CDK15: variants seen among roughly 807,000 people sequenced by gnomAD.
CDK15 encodes cyclin dependent kinase 15.
A neutral mutation model predicts 60.3 loss-of-function variants in CDK15; 62 were observed. The observed-to-expected ratio is 1.03, with a 90% CI of 0.84 to 1.27. The LOEUF (loss-of-function observed/expected upper bound fraction) is 1.27. Ranked by LOEUF, CDK15 falls within the 50% of genes most tolerant of loss-of-function variation. CDK15 has a pLI of 0.00. For synonymous variants in CDK15, 194 were observed against 195.7 expected (o/e 0.99, Z 0.07); for missense variants, 541 against 527.8 (o/e 1.03, Z -0.25).
chr2:201,833,286 G>C (rs1172074553), intron 6 of CDK15, among the ~76,000 whole-genome samples: 1 of 150,642 alleles, frequency 6.6e-6, no homozygotes, highest in African/African-American at 2.4e-5. Context: ...TTTCAACTTT[G>C]AATTTAAGAC....
chr2:201,880,004 T>C (rs1443234223), intron 11 of CDK15, 24 bp from the exon 12 acceptor site: 2 of 1,612,460 alleles, frequency 1.2e-6, no homozygotes, highest in African/African-American at 1.3e-5. Flanking sequence ...GGAGAAACTC[T>C]ATTTTTCTCT....
chr2:201,862,560 T>G (rs1345314147), intron 10 of CDK15, among the ~76,000 whole-genome samples: 1 of 152,224 alleles, frequency 6.6e-6, no homozygotes, highest in East Asian at 1.9e-4. Context: ...ACCTTAATAA[T>G]GGTAATAATA....
At chr2:201,812,001 C>G (rs1202978580) in intron 3 of CDK15, among the ~76,000 whole-genome samples, 1 of 151,734 alleles carries the variant, frequency 6.6e-6, no homozygotes, top group Non-Finnish European at 1.5e-5. Context: ...GGTGAAACCC[C>G]CATCTCTGCT....
intron 12 of CDK15, among the ~76,000 whole-genome samples, chr2:201,885,507 A>C (rs1699422614): frequency 6.6e-6 from 1 of 152,154 alleles, no homozygotes; most frequent in Non-Finnish European, 1.5e-5. Context: ...CCTCCATAAC[A>C]CACTTCCTCA....
At position 201,880,094 on chromosome 2, in the gene CDK15, C is replaced by A; in HGVS notation, c.1125C>A (p.Arg375=). The part of the protein sequence containing the change: ...SQMLKGFPRD[R]VSAQEALVHD... ...TGCTAAAAGGCTTTCCCAGAGACCG[C>A]GTCTCCGCCCAGGAAGCACTTGTTC... The change falls in exon 12 of 14, where the codon CGC becomes CGA. Residue 375 remains arginine (R), a synonymous_variant. Transcript: ENST00000652192. 1.9e-6 allele frequency: 3 copies of A among 1,614,116 alleles called. No homozygotes were observed. In the African/African-American group the frequency reaches 4.0e-5, roughly 22 times the overall value.
At chr2:201,858,348 C>A (rs138752319) in intron 10 of CDK15, among the ~76,000 whole-genome samples, 68 of 150,130 alleles carry the variant, frequency 4.5e-4, no homozygotes, top group African/African-American at 1.5e-3. Flanking sequence ...TCCCTCCCTC[C>A]CTCCCTTCCT....
In CDK15 at chr2:201,807,544, G is replaced by C; in HGVS notation, c.174G>C (p.Arg58Ser). Residue 58 changes from arginine to serine, a missense_variant, in exon 2 of 14, where the codon AGG becomes AGC. Transcript: ENST00000652192. Reference protein sequence around the residue: ...ASCSMTSFHPRGLQAARAQKF... With the variant: ...ASCSMTSFHPSGLQAARAQKF... The stretch of plus-strand genomic sequence containing the variant: ...GTTCCATGACTTCATTTCACCCCAG[G>C]GGACTTCAAGCTGCCCGTGCCCAGA... The C allele has an allele frequency of 1.2e-6, 2 of 1,614,128 alleles. No individual in the cohort carries two copies. The highest frequency in any genetic ancestry group is 1.7e-6 in the Non-Finnish European group (2 of 1,180,002).
At chr2:201,836,191 T>TTTTATA (rs1553524153) in intron 8 of CDK15, among the ~76,000 whole-genome samples, 67 of 106,970 alleles carry the variant, frequency 6.3e-4, no homozygotes, top group Non-Finnish European at 1.7e-4. Flanking sequence ...ATATATTTTT[T>TTTTATA]TATATATATA....
At chr2:201,809,330 T>C (rs917206333) in intron 3 of CDK15, among the ~76,000 whole-genome samples, 1 of 152,178 alleles carries the variant, frequency 6.6e-6, no homozygotes, top group Admixed American at 6.5e-5. Context: ...TTATCTTTTC[T>C]TCTAGTTACT....
intron 4 of CDK15, among the ~76,000 whole-genome samples, chr2:201,819,916 T>C (rs9677761): frequency 0.93 from 141,926 of 152,216 alleles, 66,478 homozygotes; most frequent in East Asian, 1. Context: ...ATCAAGAAGA[T>C]GACATGAAGT....
Position 201,810,586 on chromosome 2 carries a change from G to A in CDK15, c.369-1897G>A, listed in dbSNP as rs113153584. On this transcript the variant is annotated intron_variant, in intron 3 of 13. Transcript: ENST00000652192. ...AAATGATTCAATACATTAACAAATG[G>A]GAGAGAAGAAACAAATCTCTCATGC... 5.8e-3 allele frequency among the ~76,000 whole-genome samples: 889 copies of A among 152,100 alleles called. 10 individuals are homozygous for A. The highest frequency in any genetic ancestry group is 0.02 in the African/African-American group (840 of 41,484).
At chr2:201,887,237 C>T (rs1235556365) in intron 12 of CDK15, among the ~76,000 whole-genome samples, 1 of 152,148 alleles carries the variant, frequency 6.6e-6, no homozygotes, top group African/African-American at 2.4e-5. Flanking sequence ...TATGCTGTAA[C>T]ATGAGCTATA....
intron 6 of CDK15, among the ~76,000 whole-genome samples, chr2:201,826,089 T>G (rs537889104): frequency 1.5e-4 from 23 of 152,244 alleles, no homozygotes; most frequent in African/African-American, 5.1e-4. Flanking sequence ...ATAGGACACT[T>G]GTGTAGAATA....
intron 12 of CDK15, among the ~76,000 whole-genome samples, chr2:201,880,640 G>A (rs186208875): frequency 1.9e-3 from 292 of 152,316 alleles, no homozygotes; most frequent in Non-Finnish European, 3.5e-3. Context: ...AGGCAGTGCC[G>A]GGGTGGGGTG....
chr2:201,870,623 A>G (rs1177184461), intron 10 of CDK15, among the ~76,000 whole-genome samples: 1 of 151,624 alleles, frequency 6.6e-6, no homozygotes, highest in Non-Finnish European at 1.5e-5. Flanking sequence ...CAGCTACTCC[A>G]GAGGCTGAGG....
At position 201,894,180 on chromosome 2, in the gene CDK15, T is replaced by C. The variant is rs1180850174; in HGVS notation, c.*913T>C. On this transcript the variant is annotated 3_prime_UTR_variant, in exon 14 of 14. Transcript: ENST00000652192. Reference sequence around the variant, plus strand: ...TGCCGTTTTATACAATGACTCCTTCTAAAAGCAGCCAGGGAAACTCAAATC... The same window carrying C: ...TGCCGTTTTATACAATGACTCCTTCCAAAAGCAGCCAGGGAAACTCAAATC... The C allele has an allele frequency of 6.6e-6, 1 of 152,108 alleles. No individual in the cohort carries two copies. The highest frequency in any genetic ancestry group is 2.4e-5 in the African/African-American group (1 of 41,418). The allele number at this position is 152,108 out of a possible 1,614,324, so 9.4% of individuals were successfully genotyped here.
At chr2:201,870,539 A>G in intron 10 of CDK15, among the ~76,000 whole-genome samples, 1 of 147,906 alleles carries the variant, frequency 6.8e-6, no homozygotes, top group Non-Finnish European at 1.5e-5. Flanking sequence ...AAAAAGCGAG[A>G]CTCCCATCTC....
chr2:201,864,428 G>A (rs1043721250), intron 10 of CDK15, among the ~76,000 whole-genome samples: 4 of 152,080 alleles, frequency 2.6e-5, no homozygotes, highest in Non-Finnish European at 5.9e-5. Flanking sequence ...AGTGATTCTC[G>A]TGCCTCAGCT....
chr2:201,858,387 TTC>T lies in CDK15; in HGVS notation c.1009+3462_1009+3463del, dbSNP rs1356116225. On this transcript the variant is annotated intron_variant, in intron 10 of 13. Transcript: ENST00000652192. ...TTCCCTTTCTCCCTCCCTCCCTTCC[TTC>T]TCTCTCTCTCTTTCCCTCCCTTCTT... Among the ~76,000 whole-genome samples the T allele has an allele frequency of 5.0e-5, 6 of 120,974 alleles. No individual in the cohort carries two copies. The South Asian group carries it at 1.5e-3, about 31-fold the overall frequency. The allele number at this position is 120,974 out of a possible 152,430, so 79.4% of individuals were successfully genotyped here.
Sources: gnomAD v4.1 joint callset for allele counts (sites outside exome capture counted in the v4.1 genomes callset) on GRCh38, gnomAD v4.1.1 for gene constraint, MANE v1.5 for transcripts, NCBI Gene and HGNC (gene_info 2026-07-23, HGNC 2026-07-21) for gene names.